ZBED6: variants seen among roughly 807,000 people sequenced by gnomAD.
ZBED6 encodes the protein zinc finger BED-type containing 6.
In ZBED6, 40 loss-of-function variants were observed where a neutral mutation model predicts 58.4. That is an observed-to-expected ratio of 0.68 (90% confidence interval 0.53 to 0.89). The LOEUF (loss-of-function observed/expected upper bound fraction) is 0.89, where lower values mean the gene tolerates loss of function less well. ZBED6 is among the 40% of genes least tolerant of loss of function. The pLI, the probability that ZBED6 is intolerant of heterozygous loss-of-function variation, is 0.00. For synonymous variants in ZBED6, 439 were observed against 350.6 expected (o/e 1.25, Z -2.82); for missense variants, 1,057 against 1,003.9 (o/e 1.05, Z -0.71).
chr1:203,848,773 T>TA (rs1688573213), intron 13 of ZBED6, among the ~76,000 whole-genome samples: 1 of 152,220 alleles, frequency 6.6e-6, no homozygotes, highest in African/African-American at 2.4e-5. Flanking sequence ...TACTTTTTTT[T>TA]AACTGAGTTT....
intron 3 of ZBED6, among the ~76,000 whole-genome samples, chr1:203,820,149 C>T (rs191205176): frequency 4.0e-5 from 6 of 151,524 alleles, no homozygotes; most frequent in South Asian, 2.1e-4. Context: ...GCAGGAGAAT[C>T]GCTTGAACCT....
exon 4 of ZBED6, chr1:203,828,386 C>G: frequency 6.2e-7 from 1 of 1,613,782 alleles, no homozygotes; most frequent in Non-Finnish European, 8.5e-7. Context: ...CAATAGAGGA[C>G]GATATGTTGA....
Position 203,830,216 on chromosome 1 carries a change from G to T in ZBED6, c.*3399+13G>T, listed in dbSNP as rs1408986636. ...AAGAAGCAAGGTGGTAAGTCATCACGTTTTGGCATGGATAGTTGTATGTTG... is the reference window on the plus strand; with the variant it reads ...AAGAAGCAAGGTGGTAAGTCATCACTTTTTGGCATGGATAGTTGTATGTTG... On this transcript the variant is annotated intron_variant, in intron 7 of 16. Transcript: ENST00000550078. The T allele has an allele frequency of 1.3e-6, 2 of 1,579,858 alleles. No homozygotes were observed. Among genetic ancestry groups the T allele is most frequent in the South Asian group, 1.1e-5 (1 of 87,020 alleles).
At chr1:203,847,369 C>A in exon 12 of ZBED6, 1 of 1,613,770 alleles carries the variant, frequency 6.2e-7, no homozygotes, top group South Asian at 1.1e-5. Flanking sequence ...CTCTGAGGTC[C>A]TGGCTGAAAA....
chr1:203,817,529 A>T (rs1324840391), intron 2 of ZBED6, among the ~76,000 whole-genome samples: 3 of 145,288 alleles, frequency 2.1e-5, no homozygotes, highest in Admixed American at 6.9e-5. Context: ...GTTGAATTTG[A>T]CTTCTTTCTT....
intron 9 of ZBED6, among the ~76,000 whole-genome samples, chr1:203,837,061 G>A (rs745710071): frequency 5.3e-5 from 8 of 152,156 alleles, no homozygotes; most frequent in Non-Finnish European, 4.4e-5. Flanking sequence ...TTTGGAGGCT[G>A]AAGTGGGCAG....
chr1:203,832,699 T>C (rs1164595299), intron 8 of ZBED6, among the ~76,000 whole-genome samples: 1 of 152,162 alleles, frequency 6.6e-6, no homozygotes, highest in African/African-American at 2.4e-5. Flanking sequence ...TTAAGCCTAA[T>C]AAGGAATTAT....
intron 3 of ZBED6, among the ~76,000 whole-genome samples, chr1:203,821,687 C>G (rs545924693): frequency 6.6e-6 from 1 of 152,152 alleles, no homozygotes; most frequent in Admixed American, 6.5e-5. Context: ...TTCAGGTCCT[C>G]TCAGTGGACA....
At chr1:203,827,402 C>T (rs554901837) in intron 3 of ZBED6, among the ~76,000 whole-genome samples, 2 of 149,974 alleles carry the variant, frequency 1.3e-5, no homozygotes, top group African/African-American at 2.4e-5. Flanking sequence ...GGTGACTGGC[C>T]GGGTGCGGTG....
chr1:203,836,259 G>C (rs2103127520), intron 9 of ZBED6, among the ~76,000 whole-genome samples: 1 of 152,150 alleles, frequency 6.6e-6, no homozygotes, highest in South Asian at 2.1e-4. Flanking sequence ...GAAATGAGCT[G>C]TTTTAACATC....
chr1:203,799,021 T>C (rs552602346), exon 1 of ZBED6: 1 of 1,536,190 alleles, frequency 6.5e-7, no homozygotes, highest in Admixed American at 2.0e-5. Flanking sequence ...ATTGTGACTG[T>C]ACACTGGGTT....
Position 203,799,921 on chromosome 1 carries a change from G to GT in ZBED6, c.2400dup (p.Asn801Ter). On this transcript the variant is annotated frameshift_variant, in exon 1 of 17. Coordinates refer to ENST00000550078, the Ensembl canonical transcript of ZBED6. LOFTEE classifies it high-confidence loss of function. ...AAGCAGTTCCTTGCAGAAGAGGTCTGTAATTATATGGAATCTTCACCAGAG... is the reference window on the plus strand; with the variant it reads ...AAGCAGTTCCTTGCAGAAGAGGTCTGTTAATTATATGGAATCTTCACCAGAG... 6.5e-7 allele frequency: 1 copy of GT among 1,536,142 alleles called. No homozygotes were observed.
chr1:203,799,715 A>G, exon 1 of ZBED6: 1 of 727,788 alleles, frequency 1.4e-6, no homozygotes, highest in South Asian at 1.5e-5. Context: ...AAGATTTTCA[A>G]GTCAGAGGTA....
rs778085526 is a variant in ZBED6 at position 203,798,893 on chromosome 1, A to G, written c.1371A>G (p.Val457=). Reference sequence around the variant, plus strand: ...AGACTTACTTTTTCACTAAGGCTGTACCTCAGTTATATGATTGTGTCAGAG... The same window carrying G: ...AGACTTACTTTTTCACTAAGGCTGTGCCTCAGTTATATGATTGTGTCAGAG... Residue 457 remains valine (V), a synonymous_variant, in exon 1 of 17, where the codon GTA becomes GTG. Transcript: ENST00000550078. The G allele has an allele frequency of 6.0e-5, 92 of 1,536,024 alleles. No individual in the cohort carries two copies. In the South Asian group the frequency reaches 1.1e-3, roughly 18 times the overall value.
chr1:203,800,533 A>G (rs929937859), exon 1 of ZBED6: 41 of 1,363,460 alleles, frequency 3.0e-5, no homozygotes, highest in African/African-American at 4.4e-5. Context: ...TAGTTGTTAA[A>G]TATAATCATT....
At chr1:203,815,245 C>T (rs565497233) in intron 1 of ZBED6, among the ~76,000 whole-genome samples, 9 of 98,808 alleles carry the variant, frequency 9.1e-5, no homozygotes, top group East Asian at 7.4e-4. Flanking sequence ...GACAGTGTCT[C>T]GCTCTGTTGC....
At chr1:203,834,046 A>G (rs896001797) in intron 9 of ZBED6, 193 bp downstream of exon 9, 2 of 1,252,136 alleles carry the variant, frequency 1.6e-6, no homozygotes, top group East Asian at 3.2e-5. Flanking sequence ...AAGTGTTACA[A>G]TTGAACTAGA....
chr1:203,846,971 C>T (rs1000212804), intron 11 of ZBED6, among the ~76,000 whole-genome samples: 5 of 150,894 alleles, frequency 3.3e-5, no homozygotes, highest in Non-Finnish European at 7.4e-5. Context: ...TACCACTGCA[C>T]TCCAGCCTGG....
intron 3 of ZBED6, among the ~76,000 whole-genome samples, chr1:203,828,060 G>T (rs574610914): frequency 6.6e-6 from 1 of 152,182 alleles, no homozygotes; most frequent in East Asian, 1.9e-4. Context: ...ACATTTTAGG[G>T]GTTCCAGGAT....
Sources: allele counts gnomAD v4.1 joint callset (sites outside exome capture counted in the v4.1 genomes callset), GRCh38; gene constraint gnomAD v4.1.1; transcripts MANE v1.5; gene names NCBI Gene and HGNC (gene_info 2026-07-23, HGNC 2026-07-21).